Variants in AOX1 observed in about 807,000 individuals in gnomAD.
AOX1 encodes the protein aldehyde oxidase.
AOX1 carries 153 observed loss-of-function variants against 169.5 expected under a neutral mutation model. The ratio of observed to expected loss-of-function variants is 0.90; its 90% CI spans 0.79 to 1.03. The LOEUF is 1.03. Ranked by LOEUF, AOX1 falls within the 50% of genes least tolerant of loss-of-function variation. The pLI is 0.00. For missense variants in AOX1, 1,656 were observed against 1,663.9 expected (o/e 1.00, Z 0.08); for synonymous variants, 562 against 581.9 (o/e 0.97, Z 0.49).
chr2:200,611,458 A>G lies in AOX1; in HGVS notation c.1228A>G (p.Ile410Val). 1 of 1,613,936 alleles carries G rather than the reference A, an allele frequency of 6.2e-7. No homozygotes were observed. The highest frequency in any genetic ancestry group is 1.1e-5 in the South Asian group (1 of 91,062). Residue 410 changes from isoleucine to valine, a missense_variant, in exon 13 of 35, where the codon ATC (isoleucine) becomes GTC (valine). Physicochemically the swap from Ile to Val is conservative, Grantham distance 29. Coordinates refer to ENST00000374700, the MANE Select transcript of AOX1 (RefSeq NM_001159.4). Reference sequence around the variant, plus strand: ...TAATGCAGATCTTAAGCCTCAAGAAATCTTGGTCTCAGTGAACATCCCCTA... The same window carrying G: ...TAATGCAGATCTTAAGCCTCAAGAAGTCTTGGTCTCAGTGAACATCCCCTA... ...CPNADLKPQE[I>V]LVSVNIPYSR...
chr2:200,642,716 G>A lies in AOX1; in HGVS notation c.2762G>A (p.Arg921His), dbSNP rs56199635. The A allele has an allele frequency of 8.7e-6, 14 of 1,614,110 alleles. No individual in the cohort carries two copies. Among genetic ancestry groups the A allele is most frequent in the South Asian group, 2.2e-5 (2 of 91,076 alleles). Residue 921 changes from arginine (R) to histidine (H), a missense_variant, in exon 25 of 35, where the codon CGT becomes CAT. Transcript: ENST00000374700. Reference protein sequence around the residue: ...RTNLPSNTAFRGFGFPQAALI... With the variant: ...RTNLPSNTAFHGFGFPQAALI... ...AACCTTCCATCCAACACAGCTTTTC[G>A]TGGGTTTGGCTTTCCTCAGGCAGCG...
At chr2:200,596,750 A>G (rs1007022422) in intron 3 of AOX1, among the ~76,000 whole-genome samples, 2 of 152,130 alleles carry the variant, frequency 1.3e-5, no homozygotes, top group Non-Finnish European at 1.5e-5. Context: ...GGGTTGTCAC[A>G]TCGGAGTTTA....
chr2:200,655,026 C>T (rs1189654233), intron 26 of AOX1, among the ~76,000 whole-genome samples: 1 of 152,174 alleles, frequency 6.6e-6, no homozygotes, highest in Non-Finnish European at 1.5e-5. Context: ...AAGTATAATC[C>T]ACTATAATTG....
chr2:200,657,157 C>T (rs1422068739), intron 27 of AOX1, among the ~76,000 whole-genome samples: 1 of 73,004 alleles, frequency 1.4e-5, no homozygotes, highest in Non-Finnish European at 2.6e-5. Flanking sequence ...GATTCCATCT[C>T]TACCAAAAAT....
Position 200,662,813 on chromosome 2 carries a change from T to C in AOX1, c.3429-42T>C, listed in dbSNP as rs1290713115. The C allele has an allele frequency of 7.9e-6, 12 of 1,518,068 alleles. No homozygotes were observed. The African/African-American group carries it at 8.2e-5, about 10-fold the overall frequency. The allele number at this position is 1,518,068 out of a possible 1,614,324, so 94.0% of individuals were successfully genotyped here. ...CTGTTTAGTCATCATGGTCTGCAAT[T>C]AGGGGACGTGATCACTTAACAACAC... On this transcript the variant is annotated intron_variant, in intron 30 of 34. Coordinates refer to ENST00000374700, the MANE Select transcript of AOX1 (RefSeq NM_001159.4).
intron 30 of AOX1, 58 bp downstream of exon 30, chr2:200,661,689 G>C (rs1227008602): frequency 1.4e-6 from 2 of 1,388,184 alleles, no homozygotes; most frequent in African/African-American, 2.9e-5. Flanking sequence ...TTGAGGAAGA[G>C]TTTCAGTTCC....
At chr2:200,672,780 A>G (rs902991139), downstream of AOX1, among the ~76,000 whole-genome samples, 1 of 152,244 alleles carries the variant, frequency 6.6e-6, no homozygotes, top group African/African-American at 2.4e-5. Context: ...AGAATAGGTC[A>G]GAGAAAGCCC....
downstream of AOX1, among the ~76,000 whole-genome samples, chr2:200,675,791 C>G (rs1223012272): frequency 6.6e-6 from 1 of 151,980 alleles, no homozygotes; most frequent in Non-Finnish European, 1.5e-5. Flanking sequence ...TACTTCACAA[C>G]AGCCCCAAGG....
intron 23 of AOX1, among the ~76,000 whole-genome samples, chr2:200,640,611 G>A (rs2035334370): frequency 6.6e-6 from 1 of 152,206 alleles, no homozygotes; most frequent in South Asian, 2.1e-4. Context: ...AACCGATCTG[G>A]AAGAACGATG....
intron 2 of AOX1, among the ~76,000 whole-genome samples, chr2:200,593,485 T>C (rs144222619): frequency 2.0e-5 from 3 of 151,982 alleles, no homozygotes; most frequent in African/African-American, 7.3e-5. Flanking sequence ...CCTTTAGAAT[T>C]AGAGTCACAA....
intron 25 of AOX1, among the ~76,000 whole-genome samples, chr2:200,643,401 A>G (rs1166686639): frequency 6.6e-6 from 1 of 150,792 alleles, no homozygotes; most frequent in Non-Finnish European, 1.5e-5. Flanking sequence ...ACACACACAT[A>G]TATATATATA....
chr2:200,632,538 AC>A (rs1476871187), intron 20 of AOX1, among the ~76,000 whole-genome samples: 3 of 151,994 alleles, frequency 2.0e-5, no homozygotes, highest in Non-Finnish European at 4.4e-5. Flanking sequence ...AATTTAGGAA[AC>A]CCAAGAGGAG....
chr2:200,675,799 A>G (rs2036089587), downstream of AOX1, among the ~76,000 whole-genome samples: 2 of 152,068 alleles, frequency 1.3e-5, no homozygotes, highest in African/African-American at 4.8e-5. Flanking sequence ...AACAGCCCCA[A>G]GGGAGATACT....
At chr2:200,609,815 T>C (rs1012003412) in intron 12 of AOX1, among the ~76,000 whole-genome samples, 1 of 152,222 alleles carries the variant, frequency 6.6e-6, no homozygotes, top group Non-Finnish European at 1.5e-5. Flanking sequence ...TAATTTATCA[T>C]TGATGGAAAC....
chr2:200,595,400 A>G, intron 3 of AOX1, 32 bp downstream of exon 3: 1 of 1,527,896 alleles, frequency 6.5e-7, no homozygotes, highest in Non-Finnish European at 9.0e-7. Flanking sequence ...ATATGGTTGA[A>G]TTTTTATAAT....
intron 26 of AOX1, among the ~76,000 whole-genome samples, chr2:200,653,877 T>C (rs1375730312): frequency 1.3e-5 from 2 of 152,200 alleles, no homozygotes; most frequent in Non-Finnish European, 2.9e-5. Context: ...CTGTGATCAG[T>C]TATCTTTGAT....
chr2:200,605,728 TAC>T, intron 10 of AOX1, 100 bp downstream of exon 10: 2 of 510,964 alleles, frequency 3.9e-6, no homozygotes, highest in East Asian at 3.1e-5. Flanking sequence ...CTAATTATAA[TAC>T]ACACAGAGAT....
intron 10 of AOX1, 140 bp from the exon 11 acceptor site, chr2:200,608,844 C>A: frequency 1.4e-6 from 1 of 713,102 alleles, no homozygotes; most frequent in Non-Finnish European, 2.3e-6. Flanking sequence ...TCACCACCAT[C>A]ACTGCCCATC....
chr2:200,666,804 G>T, intron 32 of AOX1, 52 bp downstream of exon 32: 1 of 1,351,896 alleles, frequency 7.4e-7, no homozygotes, highest in Non-Finnish European at 1.0e-6. Flanking sequence ...CAAAAGTGCG[G>T]TGGGGTCTGC....
Sources: allele counts gnomAD v4.1 joint callset (sites outside exome capture counted in the v4.1 genomes callset), GRCh38; gene constraint gnomAD v4.1.1; transcripts MANE v1.5; gene names NCBI Gene and HGNC (gene_info 2026-07-23, HGNC 2026-07-21).